The following KIAA1755 variants were observed in gnomAD, a reference collection of about 807,000 sequenced individuals.
The protein encoded by KIAA1755 is KIAA1755.
In KIAA1755, 68 loss-of-function variants were observed where a neutral mutation model predicts 91.7. That is an observed-to-expected ratio of 0.74 (90% CI 0.61 to 0.91). The LOEUF is 0.91. Ranked by LOEUF, KIAA1755 falls within the 40% of genes least tolerant of loss-of-function variation. The pLI is 0.00. For missense variants in KIAA1755, 1,535 were observed against 1,494.4 expected (o/e 1.03, Z -0.45); for synonymous variants, 610 against 604.6 (o/e 1.01, Z -0.13).
chr20:38,252,805 C>T (rs117680307), intron 1 of KIAA1755, among the ~76,000 whole-genome samples: 131 of 152,312 alleles, frequency 8.6e-4, no homozygotes, highest in Admixed American at 1.7e-3. Context: ...GAGCTCCGAG[C>T]TCTTGGCCAG....
rs1022254233 is a variant in KIAA1755, at chr20:38,223,556, G to T, written c.2250C>A (p.Asp750Glu). The change falls in exon 9 of 14, where the codon GAC becomes GAA. Residue 750 changes from aspartate (D) to glutamate (E), a missense_variant. Physicochemically the swap from Asp to Glu is conservative, Grantham distance 45. Coordinates refer to ENST00000279024, the MANE Select transcript of KIAA1755 (RefSeq NM_001029864.2). ...QASIEEFEKA[D>E]PPGGMQEATR... ...GGCTCACCTGCATCCCCCCAGGGGGGTCGGCCTTCTCGAATTCCTCGATGG... is the reference window on the plus strand; with the variant it reads ...GGCTCACCTGCATCCCCCCAGGGGGTTCGGCCTTCTCGAATTCCTCGATGG... The T allele has an allele frequency of 3.1e-6, 5 of 1,597,798 alleles. No individual in the cohort carries two copies. Among genetic ancestry groups the T allele is most frequent in the Non-Finnish European group, 4.3e-6 (5 of 1,173,584 alleles).
At chr20:38,226,502 C>G (rs1249106644) in intron 7 of KIAA1755, among the ~76,000 whole-genome samples, 1 of 152,196 alleles carries the variant, frequency 6.6e-6, no homozygotes, top group Admixed American at 6.5e-5. Context: ...CCCAAGAGAT[C>G]AGTAAGCACA....
intron 1 of KIAA1755, among the ~76,000 whole-genome samples, chr20:38,256,539 A>C (rs749246165): frequency 6.6e-6 from 1 of 152,180 alleles, no homozygotes; most frequent in Non-Finnish European, 1.5e-5. Flanking sequence ...GTGGCGACTC[A>C]TGCCTATAAT....
rs765043204 is a variant in KIAA1755, at chr20:38,239,567, C to T, written c.1708G>A (p.Gly570Ser). Residue 570 changes from glycine (G) to serine (S), a missense_variant, in exon 4 of 14, where the codon GGT becomes AGT. Physicochemically the swap from Gly to Ser is moderately conservative, Grantham distance 56. Coordinates refer to ENST00000279024, the MANE Select transcript of KIAA1755 (RefSeq NM_001029864.2). ...ATCCTGGAGCGGAAAACCTTGACACCTAGAGCCCCAATCCTGGGCTCAGGC... is the reference window on the plus strand; with the variant it reads ...ATCCTGGAGCGGAAAACCTTGACACTTAGAGCCCCAATCCTGGGCTCAGGC... ...PGPEPRIGALGVKVFRSRIAC... is the reference protein window; with the variant it reads ...PGPEPRIGALSVKVFRSRIAC... 1.2e-6 allele frequency: 2 copies of T among 1,613,396 alleles called. No individual in the cohort carries two copies. The highest frequency in any genetic ancestry group is 1.7e-6 in the Non-Finnish European group (2 of 1,179,688).
chr20:38,241,094 C>T lies in KIAA1755; in HGVS notation c.1037G>A (p.Arg346Lys), dbSNP rs1286016869. The T allele has an allele frequency of 6.2e-7, 1 of 1,614,026 alleles. No homozygotes were observed. The highest frequency in any genetic ancestry group is 8.5e-7 in the Non-Finnish European group (1 of 1,180,020). ...ACTKPESSEE[R>K]PYNLGFRRKV... ...TCTCCTGAAGCCCAAATTATAGGGC[C>T]TCTCCTCAGAGCTTTCTGGCTTTGT... The change falls in exon 3 of 14, where the codon AGG (arginine) becomes AAG (lysine). Residue 346 changes from arginine to lysine, a missense_variant. Arg to Lys is a conservative substitution (Grantham distance 26). Transcript: ENST00000279024.
intron 1 of KIAA1755, among the ~76,000 whole-genome samples, chr20:38,246,458 G>T (rs1301317346): frequency 2.8e-5 from 4 of 144,846 alleles, no homozygotes; most frequent in Admixed American, 2.0e-4. Flanking sequence ...GAATAGGGGT[G>T]GGGGGTGGGC....
At chr20:38,234,027 A>T (rs1315660624) in intron 4 of KIAA1755, among the ~76,000 whole-genome samples, 2 of 152,156 alleles carry the variant, frequency 1.3e-5, no homozygotes, top group Admixed American at 1.3e-4. Context: ...CAGGGAGAAG[A>T]TGGGCATTTG....
At chr20:38,245,899 T>A in intron 2 of KIAA1755, 30 bp downstream of exon 2, 2 of 1,608,500 alleles carry the variant, frequency 1.2e-6, no homozygotes, top group Non-Finnish European at 1.7e-6. Flanking sequence ...GAACAGCTTG[T>A]TCCCTGTCCC....
chr20:38,251,965 C>T (rs566793067), intron 1 of KIAA1755, among the ~76,000 whole-genome samples: 5 of 152,280 alleles, frequency 3.3e-5, no homozygotes, highest in Admixed American at 6.5e-5. Flanking sequence ...CCTGTAACCA[C>T]TTACCCAGAT....
intron 1 of KIAA1755, chr20:38,260,147 A>G (rs2076420782): frequency 7.8e-7 from 1 of 1,281,626 alleles, no homozygotes; most frequent in Non-Finnish European, 1.0e-6. Context: ...CAATGTGCAT[A>G]TCACAGTCAG....
In KIAA1755 at chr20:38,260,308, C is replaced by T. The variant is rs765090968; in HGVS notation, c.3+190G>A. 9 of 1,551,514 alleles carry T rather than the reference C, an allele frequency of 5.8e-6. No homozygotes were observed. The African/African-American group carries it at 8.2e-5, about 14-fold the overall frequency. On this transcript the variant is annotated intron_variant, in intron 1 of 13. Coordinates refer to ENST00000279024, the MANE Select transcript of KIAA1755 (RefSeq NM_001029864.2). ...CACATGGAGAAGCCAGGAGAGGACG[C>T]GGCCAGAGATGGGCTCCTGCCCTTG...
chr20:38,229,785 G>A (rs1036602582), intron 5 of KIAA1755, among the ~76,000 whole-genome samples: 2 of 152,166 alleles, frequency 1.3e-5, no homozygotes, highest in Admixed American at 6.5e-5. Flanking sequence ...GAGCCTTGGG[G>A]AGGGGAGATT....
chr20:38,221,983 A>G (rs539020317), intron 10 of KIAA1755, among the ~76,000 whole-genome samples: 4 of 152,346 alleles, frequency 2.6e-5, no homozygotes, highest in South Asian at 2.1e-4. Context: ...TTAAATGCCC[A>G]GAAGGCCTGG....
chr20:38,217,075 A>C, intron 13 of KIAA1755, 178 bp downstream of exon 13: 6 of 611,798 alleles, frequency 9.8e-6, no homozygotes, highest in East Asian at 8.7e-5. Flanking sequence ...GCCCCCAGCC[A>C]GGGGATGGGG....
Position 38,240,947 on chromosome 20 carries a change from G to A in KIAA1755, c.1184C>T (p.Pro395Leu). The A allele has an allele frequency of 6.2e-7, 1 of 1,614,072 alleles. No individual in the cohort carries two copies. The highest frequency in any genetic ancestry group is 8.5e-7 in the Non-Finnish European group (1 of 1,179,976). ...AGGTCCCTGCATCTTGGAGGCAGCT[G>A]GCTCTTGTGAGACACCTGCCCTGAG... is the stretch of plus-strand genomic sequence containing the variant. ...SGLRAGVSQEPAASKMQGPLG... is the reference protein window; with the variant it reads ...SGLRAGVSQELAASKMQGPLG... The change falls in exon 3 of 14, where the codon CCA (proline) becomes CTA (leucine). Residue 395 changes from proline to leucine, a missense_variant. Pro to Leu is a moderately conservative substitution (Grantham distance 98). Transcript: ENST00000279024.
intron 1 of KIAA1755, among the ~76,000 whole-genome samples, chr20:38,248,152 C>T (rs1393177123): frequency 2.0e-5 from 3 of 152,330 alleles, no homozygotes; most frequent in African/African-American, 7.2e-5. Context: ...TTGCTTGAAC[C>T]TGGGAGATGG....
intron 1 of KIAA1755, among the ~76,000 whole-genome samples, chr20:38,258,669 G>T (rs1187850191): frequency 6.6e-6 from 1 of 152,126 alleles, no homozygotes; most frequent in African/African-American, 2.4e-5. Flanking sequence ...CTCCAAGCAG[G>T]AACAGCATGT....
rs144362268 is a variant in KIAA1755 at position 38,228,570 on chromosome 20, T to C, written c.1872-330A>G. ...TTTTTTGTGTAGGCAGAATCCTTAT[T>C]TTGCTCAAGAATCCAACTCCCTCCA... On this transcript the variant is annotated intron_variant, in intron 5 of 13. Coordinates refer to ENST00000279024, the MANE Select transcript of KIAA1755 (RefSeq NM_001029864.2). 5.3e-5 allele frequency among the ~76,000 whole-genome samples: 8 copies of C among 152,258 alleles called. No homozygotes were observed. In the East Asian group the frequency reaches 5.8e-4, roughly 11 times the overall value.
Position 38,218,256 on chromosome 20 carries a change from G to A in KIAA1755, c.2667C>T (p.Phe889=), listed in dbSNP as rs866851359. The A allele has an allele frequency of 6.2e-7, 1 of 1,614,212 alleles. No individual in the cohort carries two copies. The highest frequency in any genetic ancestry group is 1.1e-5 in the South Asian group (1 of 91,082). Residue 889 remains phenylalanine (F), a synonymous_variant, in exon 12 of 14, where the codon TTC becomes TTT. Transcript: ENST00000279024. The part of the protein sequence containing the change: ...EKAHAEFENF[F]LQAAAQYRRG... ...GTCTGGAACGCACTGCAGCCTGGAG[G>A]AAGAAGTTCTCAAATTCTGCGTGGG...
Sources: allele counts gnomAD v4.1 joint callset (sites outside exome capture counted in the v4.1 genomes callset), GRCh38; gene constraint gnomAD v4.1.1; transcripts MANE v1.5; gene names NCBI Gene and HGNC (gene_info 2026-07-23, HGNC 2026-07-21).